Variants in NF1 observed in about 807,000 individuals in gnomAD.
NF1 encodes neurofibromin.
NF1 carries 122 observed loss-of-function variants against 325.7 expected under a neutral mutation model. The observed-to-expected ratio is 0.37, with a 90% confidence interval of 0.32 to 0.44. The LOEUF (loss-of-function observed/expected upper bound fraction) is 0.44, where lower values mean the gene tolerates loss of function less well. Ranked by LOEUF, NF1 falls within the 20% of genes least tolerant of loss-of-function variation. NF1 has a pLI of 1.00. For synonymous variants in NF1, 1,091 were observed against 1,186.0 expected (o/e 0.92, Z 1.65); for missense variants, 2,140 against 3,415.4 (o/e 0.63, Z 9.31).
rs575545430 is a variant in NF1, at chr17:31,234,436, G to A, written c.3709-1175G>A. Among the ~76,000 whole-genome samples the A allele has an allele frequency of 1.1e-4, 17 of 152,172 alleles. No homozygotes were observed. In the East Asian group the frequency reaches 1.9e-3, roughly 17 times the overall value. On this transcript the variant is annotated intron_variant, in intron 27 of 57. Transcript: ENST00000358273. The stretch of plus-strand genomic sequence containing the variant: ...CGCCTGTAATCCCAGCACTTTGGGA[G>A]GCTGAGGCGGGAGGATCACAAGGTC...
intron 1 of NF1, among the ~76,000 whole-genome samples, chr17:31,104,552 G>A (rs746302980): frequency 2.0e-5 from 3 of 152,170 alleles, no homozygotes; most frequent in Admixed American, 1.3e-4. Flanking sequence ...AAAAGCATTG[G>A]CTTGTTTCAT....
At chr17:31,135,541 C>G (rs931811332) in intron 1 of NF1, among the ~76,000 whole-genome samples, 3 of 151,934 alleles carry the variant, frequency 2.0e-5, no homozygotes, top group Non-Finnish European at 4.4e-5. Flanking sequence ...TTCCTTTCTG[C>G]CATTTTCTTT....
intron 16 of NF1, among the ~76,000 whole-genome samples, chr17:31,224,871 G>A: frequency 6.6e-6 from 1 of 152,140 alleles, no homozygotes; most frequent in East Asian, 1.9e-4. Flanking sequence ...AGAATCTACT[G>A]TTTCTGATGA....
intron 4 of NF1, 81 bp downstream of exon 4, chr17:31,163,457 A>G: frequency 6.7e-7 from 1 of 1,482,196 alleles, no homozygotes; most frequent in Non-Finnish European, 9.3e-7. Context: ...AAAAATAAAA[A>G]GTTAATGGAA....
Position 31,230,398 on chromosome 17 carries a change from A to G in NF1, c.3113+16A>G. ...TGAAATTTAGGTGAGTTCTCAAAAG[A>G]GCAATGTAGGGTCTTGTAAATCTTA... On this transcript the variant is annotated intron_variant, in intron 23 of 57. Transcript: ENST00000358273. 6.2e-7 allele frequency: 1 copy of G among 1,613,190 alleles called. No homozygotes were observed. Among genetic ancestry groups the G allele is most frequent in the Non-Finnish European group, 8.5e-7 (1 of 1,179,360 alleles).
At position 31,326,021 on chromosome 17, in the gene NF1, C is replaced by G. The variant is rs1555533349; in HGVS notation, c.5037C>G (p.Ile1679Met). ...ACGACAACGTCTCCGCAGTCTATATCTATAACTGTAACTCCTGGGTCAGGG... is the reference window on the plus strand; with the variant it reads ...ACGACAACGTCTCCGCAGTCTATATGTATAACTGTAACTCCTGGGTCAGGG... ...FAYDNVSAVY[I>M]YNCNSWVREY... The change falls in exon 37 of 58, where the codon ATC becomes ATG. Residue 1679 changes from isoleucine to methionine, a missense_variant. Physicochemically the swap from Ile to Met is conservative, Grantham distance 10 (BLOSUM62 1). Around this residue, in one of 10 missense-constraint regions of NF1, gnomAD observed 103 missense variants for 214.6 expected, o/e 0.48. Transcript: ENST00000358273. 6.2e-7 allele frequency: 1 copy of G among 1,614,178 alleles called. No individual in the cohort carries two copies. Among genetic ancestry groups the G allele is most frequent in the Non-Finnish European group, 8.5e-7 (1 of 1,180,022 alleles).
intron 36 of NF1, among the ~76,000 whole-genome samples, chr17:31,268,914 C>T (rs188027090): frequency 6.6e-6 from 1 of 151,984 alleles, no homozygotes; most frequent in Admixed American, 6.6e-5. Flanking sequence ...CTATGTTGCG[C>T]AGGCTGGGCT....
chr17:31,243,413 C>T (rs892292616), intron 29 of NF1, among the ~76,000 whole-genome samples: 6 of 151,864 alleles, frequency 4.0e-5, no homozygotes, highest in Admixed American at 1.3e-4. Context: ...GTGAGTTCTC[C>T]GTGGGTCCAG....
chr17:31,095,064 T>TG lies in NF1; in HGVS notation c.-246_-245insG. ...TGGGGAGAGCGACCAAGAGGCCCCCTCCCCTCCCCGGGTCCCCTTCCCCTA... is the reference window on the plus strand; with the variant it reads ...TGGGGAGAGCGACCAAGAGGCCCCCTGCCCCTCCCCGGGTCCCCTTCCCCTA... On this transcript the variant is annotated 5_prime_UTR_variant, in exon 1 of 58. Transcript: ENST00000358273. The TG allele has an allele frequency of 3.0e-6, 1 of 334,940 alleles. No individual in the cohort carries two copies. The highest frequency in any genetic ancestry group is 5.1e-6 in the Non-Finnish European group (1 of 196,026). 20.7% of individuals were successfully genotyped at this position (334,940 alleles called of 1,614,324 possible).
At chr17:31,291,719 A>T (rs571800766) in intron 36 of NF1, among the ~76,000 whole-genome samples, 4 of 152,320 alleles carry the variant, frequency 2.6e-5, no homozygotes, top group Admixed American at 2.6e-4. Context: ...ATTGAATAGC[A>T]CATATTTGTG....
chr17:31,274,609 C>A (rs2067966948), intron 36 of NF1, among the ~76,000 whole-genome samples: 1 of 151,976 alleles, frequency 6.6e-6, no homozygotes, highest in Admixed American at 6.6e-5. Flanking sequence ...CAAAAAAAAA[C>A]TACTTGGCAA....
chr17:31,291,957 A>AT (rs1166860894), intron 36 of NF1, among the ~76,000 whole-genome samples: 4 of 152,224 alleles, frequency 2.6e-5, no homozygotes, highest in Non-Finnish European at 4.4e-5. Flanking sequence ...TACAGATGTG[A>AT]TAATAATCCT....
chr17:31,318,275 T>C (rs1012311290), intron 36 of NF1: 23 of 1,573,944 alleles, frequency 1.5e-5, no homozygotes, highest in Non-Finnish European at 1.8e-5. Flanking sequence ...CCATAAGCCT[T>C]CTCATTGCTA....
intron 57 of NF1, among the ~76,000 whole-genome samples, chr17:31,369,141 A>C (rs1050354894): frequency 6.6e-6 from 1 of 152,346 alleles, no homozygotes; most frequent in Admixed American, 6.5e-5. Context: ...TGGGAAACCA[A>C]AAGTGTTTTT....
At chr17:31,148,789 C>A (rs1313197519) in intron 1 of NF1, among the ~76,000 whole-genome samples, 1 of 151,936 alleles carries the variant, frequency 6.6e-6, no homozygotes, top group Non-Finnish European at 1.5e-5. Flanking sequence ...TACATTTATA[C>A]CATTAAAGAA....
At chr17:31,243,457 G>A (rs1002176759) in intron 29 of NF1, among the ~76,000 whole-genome samples, 1 of 151,876 alleles carries the variant, frequency 6.6e-6, no homozygotes, top group Non-Finnish European at 1.5e-5. Flanking sequence ...CTAGAGTTGG[G>A]TACATCAGAG....
At chr17:31,289,668 A>C (rs889617775) in intron 36 of NF1, among the ~76,000 whole-genome samples, 3 of 152,062 alleles carry the variant, frequency 2.0e-5, no homozygotes, top group Non-Finnish European at 4.4e-5. Context: ...TATTGGCCAG[A>C]TATTCTGGTC....
At chr17:31,275,205 TAA>T (rs558591736) in intron 36 of NF1, among the ~76,000 whole-genome samples, 2 of 152,320 alleles carry the variant, frequency 1.3e-5, no homozygotes, top group Non-Finnish European at 2.9e-5. Context: ...CCTCTTATCC[TAA>T]GTTTCACTTT....
At chr17:31,302,143 A>T in intron 36 of NF1, among the ~76,000 whole-genome samples, 1 of 152,272 alleles carries the variant, frequency 6.6e-6, no homozygotes, top group Middle Eastern at 3.4e-3. Context: ...TAAAAAAAAT[A>T]AAAGGAAAAA....
Sources: gnomAD v4.1 joint callset for allele counts (sites outside exome capture counted in the v4.1 genomes callset) on GRCh38, gnomAD v4.1.1 for gene constraint, gnomAD v4.1.1 regional missense constraint, MANE v1.5 for transcripts, NCBI Gene and HGNC (gene_info 2026-07-23, HGNC 2026-07-21) for gene names.